CHLSN: variants seen among roughly 807,000 people sequenced by gnomAD.
CHLSN encodes protein cholesin.
the CHLSN span, among the ~76,000 whole-genome samples, chr7:1,018,764 G>T: frequency 2.0e-5 from 3 of 152,124 alleles, no homozygotes; most frequent in African/African-American, 4.8e-5. Flanking sequence ...CAGCCTGGAT[G>T]AGAGTGAGAC....
chr7:1,136,211 T>C, the CHLSN span, among the ~76,000 whole-genome samples: 2 of 115,656 alleles, frequency 1.7e-5, no homozygotes, highest in African/African-American at 3.5e-5. Context: ...AATATATAAA[T>C]ATATATAAAC....
At chr7:1,034,771 C>T in the CHLSN span, among the ~76,000 whole-genome samples, 2 of 150,910 alleles carry the variant, frequency 1.3e-5, no homozygotes, top group Non-Finnish European at 3.0e-5. Context: ...TCCCACCCTC[C>T]ACCCTCCTTT....
At chr7:1,014,539 C>T in the CHLSN span, among the ~76,000 whole-genome samples, 6 of 152,220 alleles carry the variant, frequency 3.9e-5, no homozygotes, top group South Asian at 2.1e-4. Flanking sequence ...AGGTGGGTAA[C>T]GTGCTAGTCA....
the CHLSN span, among the ~76,000 whole-genome samples, chr7:1,064,918 C>G: frequency 6.6e-6 from 1 of 152,344 alleles, no homozygotes; most frequent in Middle Eastern, 3.4e-3. Flanking sequence ...GAGCAGCATC[C>G]GATTCTTTTC....
chr7:1,107,134 G>A, the CHLSN span, among the ~76,000 whole-genome samples: 1 of 152,186 alleles, frequency 6.6e-6, no homozygotes, highest in East Asian at 1.9e-4. Context: ...AGCGGGGAAG[G>A]GAAAGAGCCA....
the CHLSN span, among the ~76,000 whole-genome samples, chr7:1,097,669 C>G: frequency 6.6e-6 from 1 of 152,184 alleles, no homozygotes; most frequent in Non-Finnish European, 1.5e-5. The surrounding 1 kb of genome is among the most constrained non-coding windows in gnomAD (Gnocchi z 4.3). Context: ...CAGAGCCTAC[C>G]TGTCCCCCAC....
chr7:1,016,270 CGCACGCCAGCACACAGCAGT>C, the CHLSN span, among the ~76,000 whole-genome samples: 80 of 62,978 alleles, frequency 1.3e-3, 6 homozygotes, highest in East Asian at 8.1e-3. Flanking sequence ...CACACAGCAG[CGCACGCCAGCACACAGCAGT>C]GCACGCCAGC....
At chr7:1,036,514 G>A in the CHLSN span, among the ~76,000 whole-genome samples, 3 of 151,328 alleles carry the variant, frequency 2.0e-5, no homozygotes, top group East Asian at 5.8e-4. Context: ...GGTGCTCGTG[G>A]TGTGGCCGTG....
At chr7:1,099,023 T>A in the CHLSN span, among the ~76,000 whole-genome samples, 1 of 152,274 alleles carries the variant, frequency 6.6e-6, no homozygotes, top group African/African-American at 2.4e-5. Context: ...ACAGTACCCA[T>A]TCAAGCGCCG....
At chr7:1,123,722 T>C in the CHLSN span, among the ~76,000 whole-genome samples, 3 of 151,764 alleles carry the variant, frequency 2.0e-5, no homozygotes, top group Non-Finnish European at 2.9e-5. This position sits in a 1 kb window ranked among gnomAD's most constrained non-coding sequence, Gnocchi z 4.4. Context: ...CATGAGCCCC[T>C]GAGCCCCCAC....
the CHLSN span, among the ~76,000 whole-genome samples, chr7:1,019,992 G>A: frequency 6.6e-6 from 1 of 152,202 alleles, no homozygotes; most frequent in African/African-American, 2.4e-5. Context: ...CTCGGCTCTC[G>A]TCTCAGGAAT....
the CHLSN span, among the ~76,000 whole-genome samples, chr7:1,100,459 G>A: frequency 4.6e-5 from 7 of 152,384 alleles, no homozygotes; most frequent in Non-Finnish European, 8.8e-5. Flanking sequence ...GCTCTGAGGC[G>A]TGCGGCCCAT....
the CHLSN span, chr7:1,023,149 G>A: frequency 3.2e-5 from 12 of 374,602 alleles, no homozygotes; most frequent in East Asian, 7.9e-5. The surrounding 1 kb of genome is among the most constrained non-coding windows in gnomAD (Gnocchi z 5.0). Context: ...TTTTAAACGC[G>A]TGAGGTCTGA....
chr7:1,090,659 G>A, the CHLSN span, among the ~76,000 whole-genome samples: 35 of 152,348 alleles, frequency 2.3e-4, no homozygotes, highest in African/African-American at 7.5e-4. Context: ...GGCAGAGCCC[G>A]GGCACCGCCG....
chr7:979,473 CG>C, the CHLSN span, among the ~76,000 whole-genome samples: 1 of 152,134 alleles, frequency 6.6e-6, no homozygotes, highest in East Asian at 1.9e-4. Context: ...GTGATTTGGC[CG>C]GGTGTGGTGG....
chr7:1,028,806 C>G, the CHLSN span: 1 of 855,372 alleles, frequency 1.2e-6, no homozygotes, highest in Admixed American at 6.9e-5. Flanking sequence ...CTCCCCCAAT[C>G]TGACTCCATG....
the CHLSN span, among the ~76,000 whole-genome samples, chr7:1,046,064 A>G: frequency 7.3e-5 from 11 of 150,296 alleles, no homozygotes; most frequent in South Asian, 8.5e-4. Flanking sequence ...GTTAGGATGT[A>G]AAGGCTGATT....
At chr7:1,061,940 G>A in the CHLSN span, among the ~76,000 whole-genome samples, 15 of 148,708 alleles carry the variant, frequency 1.0e-4, no homozygotes, top group South Asian at 3.0e-3. Context: ...CCGTCTCCCC[G>A]ACTCCCTAGT....
chr7:997,047 C>T, the CHLSN span: 5 of 152,388 alleles, frequency 3.3e-5, no homozygotes, highest in South Asian at 2.1e-4. Flanking sequence ...GCCACAGAGG[C>T]GGTTTCTGCA....
Sources: allele counts gnomAD v4.1 joint callset (sites outside exome capture counted in the v4.1 genomes callset), GRCh38; gene constraint gnomAD v4.1.1; non-coding constraint Gnocchi (gnomAD v3.1); transcripts MANE v1.5; gene names NCBI Gene and HGNC (gene_info 2026-07-23, HGNC 2026-07-21).